Variants in CYP4X1 observed in about 807,000 individuals in gnomAD.
The protein encoded by CYP4X1 is cytochrome P450 4X1.
In CYP4X1, 44 loss-of-function variants were observed where a neutral mutation model predicts 57.9. The observed-to-expected ratio is 0.76, with a 90% CI of 0.60 to 0.98. CYP4X1 has a LOEUF of 0.98. Ranked by LOEUF, CYP4X1 falls within the 50% of genes least tolerant of loss-of-function variation. CYP4X1 has a pLI of 0.00. For missense variants in CYP4X1, 532 were observed against 623.9 expected, an observed-to-expected ratio of 0.85 and a Z score of 1.57; for synonymous variants, 227 against 228.6, an observed-to-expected ratio of 0.99 and a Z score of 0.06.
chr1:47,032,370 T>G (rs1337218670), intron 3 of CYP4X1, among the ~76,000 whole-genome samples: 1 of 152,160 alleles, frequency 6.6e-6, no homozygotes, highest in Admixed American at 6.5e-5. Flanking sequence ...GGGAAGTCAT[T>G]TAATCTCTCC....
the CYP4X1 span, chr1:47,001,059 A>C: frequency 4.7e-5 from 11 of 233,594 alleles, no homozygotes; most frequent in Admixed American, 2.9e-4. Flanking sequence ...CGTTCATGGC[A>C]AATTGTTTCC....
the CYP4X1 span, among the ~76,000 whole-genome samples, chr1:47,002,439 A>C: frequency 6.6e-6 from 1 of 152,232 alleles, no homozygotes; most frequent in African/African-American, 2.4e-5. Context: ...AATGCTTAGG[A>C]GGAAGTTCTC....
chr1:46,982,193 A>G, the CYP4X1 span, among the ~76,000 whole-genome samples: 2 of 152,142 alleles, frequency 1.3e-5, no homozygotes, highest in African/African-American at 2.4e-5. Context: ...TTTCAGCTCT[A>G]TTAGCTCAGT....
the CYP4X1 span, among the ~76,000 whole-genome samples, chr1:47,004,798 T>C: frequency 6.6e-6 from 1 of 152,184 alleles, no homozygotes; most frequent in South Asian, 2.1e-4. Flanking sequence ...TATCCCTACA[T>C]GTGGTGCAGC....
At position 47,046,470 on chromosome 1, in the gene CYP4X1, C is replaced by A; in HGVS notation, c.1077C>A (p.Asp359Glu). The A allele has an allele frequency of 6.2e-7, 1 of 1,614,080 alleles. No individual in the cohort carries two copies. Among genetic ancestry groups the A allele is most frequent in the Non-Finnish European group, 8.5e-7 (1 of 1,179,980 alleles). Reference sequence around the variant, plus strand: ...CTTCCCTCCCTCATCCTCACAGGGACCAGCTGGGTGAGATGTCGTACACCA... The same window carrying A: ...CTTCCCTCCCTCATCCTCACAGGGAACAGCTGGGTGAGATGTCGTACACCA... ...ILGDGSSITW[D>E]QLGEMSYTTM... The change falls in exon 9 of 12, where the codon GAC (aspartate) becomes GAA (glutamate). Residue 359 changes from aspartate (D) to glutamate (E), a missense_variant. Transcript: ENST00000371901.
At chr1:46,964,295 C>T in the CYP4X1 span, among the ~76,000 whole-genome samples, 2 of 152,188 alleles carry the variant, frequency 1.3e-5, no homozygotes, top group Admixed American at 1.3e-4. Flanking sequence ...AAGCTGCGTT[C>T]CTTTGGAGGA....
chr1:47,054,102 G>T (rs1378325399), downstream of CYP4X1, among the ~76,000 whole-genome samples: 3 of 151,536 alleles, frequency 2.0e-5, no homozygotes, highest in Non-Finnish European at 4.4e-5. Context: ...TGTATAAGGT[G>T]TAAGGAAGGG....
intron 4 of CYP4X1, 137 bp from the exon 5 acceptor site, chr1:47,035,669 C>G: frequency 7.9e-7 from 1 of 1,263,658 alleles, no homozygotes; most frequent in Non-Finnish European, 1.1e-6. Flanking sequence ...GGCTTATTTA[C>G]TCATGTGATC....
At chr1:46,987,623 C>T in the CYP4X1 span, among the ~76,000 whole-genome samples, 8 of 152,150 alleles carry the variant, frequency 5.3e-5, no homozygotes, top group African/African-American at 7.2e-5. Flanking sequence ...AAATTGACCA[C>T]ATAATTGGAA....
the CYP4X1 span, among the ~76,000 whole-genome samples, chr1:46,962,674 T>A: frequency 6.6e-6 from 1 of 152,236 alleles, no homozygotes; most frequent in Non-Finnish European, 1.5e-5. Flanking sequence ...CTTCCAACTA[T>A]GTGGTCAATT....
At chr1:47,032,003 A>G (rs568683528) in intron 3 of CYP4X1, among the ~76,000 whole-genome samples, 1 of 152,176 alleles carries the variant, frequency 6.6e-6, no homozygotes, top group Admixed American at 6.5e-5. Flanking sequence ...AGATTGTGCC[A>G]CTGCACTCCA....
chr1:47,016,981 A>G, the CYP4X1 span, among the ~76,000 whole-genome samples: 1 of 151,984 alleles, frequency 6.6e-6, no homozygotes, highest in East Asian at 1.9e-4. Flanking sequence ...GATTTATTTC[A>G]CTTAACATAA....
chr1:47,006,279 C>T, the CYP4X1 span, among the ~76,000 whole-genome samples: 1 of 152,182 alleles, frequency 6.6e-6, no homozygotes, highest in South Asian at 2.1e-4. Flanking sequence ...TAAGTGCCCA[C>T]ATCTGATAGT....
the CYP4X1 span, among the ~76,000 whole-genome samples, chr1:46,969,082 G>A: frequency 6.6e-6 from 1 of 152,124 alleles, no homozygotes; most frequent in African/African-American, 2.4e-5. Flanking sequence ...CATGGGGGCA[G>A]ATCCCTCATT....
At chr1:46,966,586 A>G in the CYP4X1 span, among the ~76,000 whole-genome samples, 11 of 151,892 alleles carry the variant, frequency 7.2e-5, no homozygotes, top group African/African-American at 2.7e-4. Context: ...TTCATTCTCC[A>G]TGGGCTGAAT....
intron 4 of CYP4X1, among the ~76,000 whole-genome samples, chr1:47,033,850 C>A (rs1177089988): frequency 6.6e-6 from 1 of 152,132 alleles, no homozygotes; most frequent in African/African-American, 2.4e-5. Context: ...GAATTATAGA[C>A]CATGGGGAGG....
upstream of CYP4X1, among the ~76,000 whole-genome samples, chr1:47,021,437 G>T (rs1643995512): frequency 6.6e-6 from 1 of 152,184 alleles, no homozygotes; most frequent in Admixed American, 6.5e-5. Flanking sequence ...GGCAAAAAGT[G>T]GCAGAGGTCG....
chr1:47,046,653 CCA>C (rs1262098195), intron 9 of CYP4X1, 53 bp downstream of exon 9: 2 of 1,611,380 alleles, frequency 1.2e-6, no homozygotes, highest in African/African-American at 2.7e-5. Context: ...ATCCTGGAGA[CCA>C]CAGTGACAAA....
At chr1:46,995,891 C>T in the CYP4X1 span, among the ~76,000 whole-genome samples, 8 of 152,296 alleles carry the variant, frequency 5.3e-5, no homozygotes, top group East Asian at 1.9e-4. Flanking sequence ...CTACATCATC[C>T]GGACACTGAC....
Sources: gnomAD v4.1 joint callset for allele counts (sites outside exome capture counted in the v4.1 genomes callset) on GRCh38, gnomAD v4.1.1 for gene constraint, MANE v1.5 for transcripts, NCBI Gene and HGNC (gene_info 2026-07-23, HGNC 2026-07-21) for gene names.